The following KLF10 variants were observed in gnomAD, a reference collection of about 807,000 sequenced individuals.
KLF10 encodes KLF transcription factor 10, also known as Krueppel-like factor 10.
In KLF10, 17 loss-of-function variants were observed where a neutral mutation model predicts 31.6. That is an observed-to-expected ratio of 0.54 (90% confidence interval 0.37 to 0.81). KLF10 has a LOEUF of 0.81. Ranked by LOEUF, KLF10 falls within the 30% of genes least tolerant of loss-of-function variation. KLF10 has a pLI of 0.00. For synonymous variants in KLF10, 239 were observed against 215.1 expected (o/e 1.11, Z -0.97); for missense variants, 525 against 598.1 (o/e 0.88, Z 1.27).
chr8:102,654,207 C>T (rs919673193), intron 1 of KLF10: 1 of 149,330 alleles, frequency 6.7e-6, no homozygotes, highest in East Asian at 2.0e-4. Flanking sequence ...ACTTCCTGAG[C>T]TTGCGGGCCC....
Position 102,651,993 on chromosome 8 carries a change from C to T in KLF10, c.339G>A (p.Ala113=), listed in dbSNP as rs958189775. ...GTGACTTGAAGTGTACAGTAGATGG[C>T]GCTGGTGCCATCAGATTTGACACTT... The part of the protein sequence containing the change: ...PSQVSNLMAP[A]PSTVHFKSLS... Residue 113 remains alanine (A), a synonymous_variant, in exon 3 of 4, where the codon GCG becomes GCA. Coordinates refer to ENST00000285407, the MANE Select transcript of KLF10 (RefSeq NM_005655.4). 4 of 1,613,582 alleles carry T rather than the reference C, an allele frequency of 2.5e-6. No individual in the cohort carries two copies. Among genetic ancestry groups the T allele is most frequent in the South Asian group, 1.1e-5 (1 of 91,010 alleles).
chr8:102,655,688 ACGCCGCTCC>A lies in KLF10; in HGVS notation c.-96_-88del. ...ACAGACGGGCGCACGGAGACACTCGACGCCGCTCCCGCCGCCGCCGCGCTCAGCGCCGTC... is the reference window on the plus strand; with the variant it reads ...ACAGACGGGCGCACGGAGACACTCGACGCCGCCGCCGCGCTCAGCGCCGTC... On this transcript the variant is annotated 5_prime_UTR_variant, in exon 1 of 4. Coordinates refer to ENST00000285407, the MANE Select transcript of KLF10 (RefSeq NM_005655.4). 1.3e-6 allele frequency: 2 copies of A among 1,482,728 alleles called. No individual in the cohort carries two copies. The highest frequency in any genetic ancestry group is 2.4e-5 in the East Asian group (1 of 41,912). 91.8% of individuals were successfully genotyped at this position (1,482,728 alleles called of 1,614,324 possible).
At position 102,652,910 on chromosome 8, in the gene KLF10, T is replaced by C. The variant is rs374028583; in HGVS notation, c.37-513A>G. On this transcript the variant is annotated intron_variant, in intron 1 of 3. Transcript: ENST00000285407. ...GGTCTTTTGAGGTACAAATTGCTGA[T>C]AGAAAAAAAAAATAGCCAAAACCTT... Among the ~76,000 whole-genome samples, 130 of 151,708 alleles carry C rather than the reference T, an allele frequency of 8.6e-4. 2 individuals carry two copies. In the South Asian group the frequency reaches 0.026, roughly 31 times the overall value.
At chr8:102,653,559 C>T in intron 1 of KLF10, 1 of 1,480,254 alleles carries the variant, frequency 6.8e-7, no homozygotes, top group Admixed American at 2.9e-5. Context: ...ACATTCTTTA[C>T]GTTGCAAGGT....
chr8:102,654,147 G>C (rs1024984835), intron 1 of KLF10: 1 of 166,704 alleles, frequency 6.0e-6, no homozygotes, highest in African/African-American at 2.4e-5. Context: ...GCTGCTCCGG[G>C]AGGCGCAGGA....
Position 102,651,287 on chromosome 8 carries a change from C to G in KLF10, c.1045G>C (p.Gly349Arg). The G allele has an allele frequency of 6.2e-7, 1 of 1,607,600 alleles. No homozygotes were observed. The highest frequency in any genetic ancestry group is 8.5e-7 in the Non-Finnish European group (1 of 1,176,906). The change falls in exon 3 of 4, where the codon GGG becomes CGG. Residue 349 changes from glycine (G) to arginine (R), a missense_variant. Physicochemically the swap from Gly to Arg is moderately radical, Grantham distance 125. This residue lies in a region of KLF10 where 434 missense variants were observed against 450.7 expected (regional missense o/e 0.96). Coordinates refer to ENST00000285407, the MANE Select transcript of KLF10 (RefSeq NM_005655.4). The part of the protein sequence containing the change: ...TRLSPIAPAP[G>R]FSPSAAKVTP... ...ACTTTTGCTGCTGAAGGGGAAAACC[C>G]AGGAGCAGGGGCAATGGGAGAGAGT...
chr8:102,651,772 C>T lies in KLF10; in HGVS notation c.560G>A (p.Arg187Lys). ...ILNYQNNSFR[R>K]RTHLNVEAAR... ...AGCCTCAACATTTAGGTGGGTTCTT[C>T]TTCTAAAAGAATTGTTCTGATAGTT... The change falls in exon 3 of 4, where the codon AGA (arginine) becomes AAA (lysine). Residue 187 changes from arginine to lysine, a missense_variant. This residue lies in a region of KLF10 where 434 missense variants were observed against 450.7 expected (regional missense o/e 0.96). Coordinates refer to ENST00000285407, the MANE Select transcript of KLF10 (RefSeq NM_005655.4). 1 of 1,614,210 alleles carries T rather than the reference C, an allele frequency of 6.2e-7. No individual in the cohort carries two copies. The highest frequency in any genetic ancestry group is 1.1e-5 in the South Asian group (1 of 91,084).
Position 102,655,704 on chromosome 8 carries a change from C to A in KLF10, c.-103G>T. On this transcript the variant is annotated 5_prime_UTR_variant, in exon 1 of 4. Transcript: ENST00000285407. ...AGACACTCGACGCCGCTCCCGCCGC[C>A]GCCGCGCTCAGCGCCGTCTGCCCCC... 1 of 1,366,394 alleles carries A rather than the reference C, an allele frequency of 7.3e-7. No individual in the cohort carries two copies. Among genetic ancestry groups the A allele is most frequent in the Non-Finnish European group, 1.0e-6 (1 of 976,826 alleles). The allele number at this position is 1,366,394 out of a possible 1,614,324, so 84.6% of individuals were successfully genotyped here.
intron 1 of KLF10, 47 bp from the exon 2 acceptor site, chr8:102,652,444 C>A: frequency 9.5e-7 from 1 of 1,056,528 alleles, no homozygotes. Flanking sequence ...TTTTGTCATC[C>A]AAATGACACA....
intron 1 of KLF10, chr8:102,653,708 A>T: frequency 8.2e-7 from 1 of 1,223,462 alleles, no homozygotes; most frequent in Admixed American, 4.4e-5. Context: ...TGCAATGGAC[A>T]GCGCGCGTGT....
At position 102,651,647 on chromosome 8, in the gene KLF10, A is replaced by C. The variant is rs199615401; in HGVS notation, c.685T>G (p.Tyr229Asp). ...TCTGAGGAAGGCACAGAAAAGTCAT[A>C]AAGTGCAGCACTTGCTTTCTCATCA... ...DVDEKASAAL[Y>D]DFSVPSSETV... Residue 229 changes from tyrosine (Y) to aspartate (D), a missense_variant, in exon 3 of 4, where the codon TAT (tyrosine) becomes GAT (aspartate). This residue lies in a region of KLF10 where 434 missense variants were observed against 450.7 expected (regional missense o/e 0.96). Coordinates refer to ENST00000285407, the MANE Select transcript of KLF10 (RefSeq NM_005655.4). 3 of 1,614,140 alleles carry C rather than the reference A, an allele frequency of 1.9e-6. No individual in the cohort carries two copies. The highest frequency in any genetic ancestry group is 1.7e-5 in the Admixed American group (1 of 60,016).
intron 1 of KLF10, among the ~76,000 whole-genome samples, chr8:102,654,904 C>T (rs551652709): frequency 4.6e-4 from 70 of 152,242 alleles, no homozygotes; most frequent in Admixed American, 3.5e-3. Flanking sequence ...CTCCAGACGT[C>T]TGGGGGAGCA....
At chr8:102,655,469 A>G in intron 1 of KLF10, 97 bp downstream of exon 1, 3 of 1,475,314 alleles carry the variant, frequency 2.0e-6, no homozygotes, top group Non-Finnish European at 2.8e-6. Context: ...CCCAATTCTC[A>G]GGCATGGCTG....
At chr8:102,652,470 A>ATTTTT (rs10639139) in intron 1 of KLF10, 73 bp from the exon 2 acceptor site, 43 of 489,878 alleles carry the variant, frequency 8.8e-5, no homozygotes, top group Middle Eastern at 5.7e-4. Context: ...AAATGAGCAA[A>ATTTTT]TTTTTTTTTT....
chr8:102,651,729 T>C lies in KLF10; in HGVS notation c.603A>G (p.Pro201=), dbSNP rs139430867. Reference sequence around the variant, plus strand: ...ATCTGTTTGGTGACACAGCGGCACATGGTATGTTCTTTCTTGCAGCCTCAA... The same window carrying C: ...ATCTGTTTGGTGACACAGCGGCACACGGTATGTTCTTTCTTGCAGCCTCAA... ...LNVEAARKNI[P]CAAVSPNRSK... is the part of the protein sequence containing the mutation. The change falls in exon 3 of 4, where the codon CCA becomes CCG. Residue 201 remains proline, a synonymous_variant. Transcript: ENST00000285407. The C allele has an allele frequency of 9.5e-5, 154 of 1,614,236 alleles. No homozygotes were observed. In the African/African-American group the frequency reaches 1.6e-3, roughly 16 times the overall value.
At position 102,650,205 on chromosome 8, in the gene KLF10, AG is replaced by A; in HGVS notation, c.1369del (p.Leu457TyrfsTer8). The part of the protein sequence containing the change: ...HARRHLSAKK[L>X]PNWQMEVSKL... Reference sequence around the variant, plus strand: ...GCTCACTTCCATCTGCCAGTTTGGTAGCTTCTTGGCTGATAGATGGCGCCGG... The same window carrying A: ...GCTCACTTCCATCTGCCAGTTTGGTACTTCTTGGCTGATAGATGGCGCCGG... On this transcript the variant is annotated frameshift_variant, in exon 4 of 4. Transcript: ENST00000285407. LOFTEE classifies it high-confidence loss of function. The A allele has an allele frequency of 6.2e-7, 1 of 1,614,208 alleles. No homozygotes were observed. The highest frequency in any genetic ancestry group is 8.5e-7 in the Non-Finnish European group (1 of 1,180,040).
Position 102,649,863 on chromosome 8 carries a change from C to T in KLF10, c.*269G>A. On this transcript the variant is annotated 3_prime_UTR_variant, in exon 4 of 4. Coordinates refer to ENST00000285407, the MANE Select transcript of KLF10 (RefSeq NM_005655.4). ...CAAAATCTGTGCTACCTGTGTTGAC[C>T]TCATCTGAAACCTTCAAAAAATATT... is the stretch of plus-strand genomic sequence containing the variant. The T allele has an allele frequency of 1.0e-5, 5 of 488,654 alleles. No individual in the cohort carries two copies. Among genetic ancestry groups the T allele is most frequent in the Middle Eastern group, 5.3e-4 (1 of 1,892 alleles). The allele number at this position is 488,654 out of a possible 1,614,324, so 30.3% of individuals were successfully genotyped here.
chr8:102,653,923 T>C (rs1008476502), intron 1 of KLF10: 3 of 985,786 alleles, frequency 3.0e-6, no homozygotes, highest in Admixed American at 6.2e-5. Context: ...GGGGAGATCC[T>C]AGCTGGCGGA....
intron 1 of KLF10, chr8:102,653,384 A>T (rs1827263111): frequency 1.8e-6 from 2 of 1,120,172 alleles, no homozygotes; most frequent in Non-Finnish European, 2.5e-6. Flanking sequence ...AAATAACAGC[A>T]CAGGTTTTGC....
Sources: gnomAD v4.1 joint callset for allele counts (sites outside exome capture counted in the v4.1 genomes callset) on GRCh38, gnomAD v4.1.1 for gene constraint, gnomAD v4.1.1 regional missense constraint, MANE v1.5 for transcripts, NCBI Gene and HGNC (gene_info 2026-07-23, HGNC 2026-07-21) for gene names.